STK24: variants seen among roughly 807,000 people sequenced by gnomAD.
The protein encoded by STK24 is serine/threonine kinase 24, also known as serine/threonine-protein kinase 24.
In STK24, 21 loss-of-function variants were observed where a neutral mutation model predicts 55.6. That is an observed-to-expected ratio of 0.38 (90% CI 0.27 to 0.54). The LOEUF (loss-of-function observed/expected upper bound fraction) is 0.54. STK24 is among the 20% of genes least tolerant of loss of function. The probability of loss-of-function intolerance (pLI) is 0.79; values close to 1 mark genes in which losing one functional copy is unlikely to be tolerated. For synonymous variants in STK24, 200 were observed against 215.2 expected, an observed-to-expected ratio of 0.93 and a Z score of 0.62; for missense variants, 383 against 538.4, an observed-to-expected ratio of 0.71 and a Z score of 2.86.
intron 1 of STK24, among the ~76,000 whole-genome samples, chr13:98,544,730 G>A (rs979106860): frequency 1.8e-4 from 27 of 152,312 alleles, no homozygotes; most frequent in African/African-American, 5.5e-4. Flanking sequence ...AAATATTTCC[G>A]AATTCCCAAG....
chr13:98,499,131 G>T (rs1321153333), intron 2 of STK24, among the ~76,000 whole-genome samples: 1 of 152,018 alleles, frequency 6.6e-6, no homozygotes, highest in Non-Finnish European at 1.5e-5. Context: ...CCAGCTACTC[G>T]GGAGGCTGGG....
At chr13:98,489,869 C>T (rs1257227357) in intron 2 of STK24, among the ~76,000 whole-genome samples, 1 of 152,152 alleles carries the variant, frequency 6.6e-6, no homozygotes, top group Admixed American at 6.5e-5. Context: ...AAATGACCAG[C>T]CACTGCCTAC....
At chr13:98,479,990 C>T (rs957761014) in intron 3 of STK24, among the ~76,000 whole-genome samples, 1 of 152,138 alleles carries the variant, frequency 6.6e-6, no homozygotes, top group African/African-American at 2.4e-5. Context: ...TAGCTGGGAC[C>T]CTTCAACCCT....
At chr13:98,493,480 AAGAG>A (rs1373228176) in intron 2 of STK24, among the ~76,000 whole-genome samples, 1 of 151,262 alleles carries the variant, frequency 6.6e-6, no homozygotes, top group African/African-American at 2.4e-5. Context: ...CCTGGGAGGC[AAGAG>A]AGAGATTTTT....
chr13:98,464,869 T>A (rs1893870097), intron 6 of STK24, among the ~76,000 whole-genome samples: 1 of 152,166 alleles, frequency 6.6e-6, no homozygotes, highest in Non-Finnish European at 1.5e-5. Flanking sequence ...TGGAATTATC[T>A]CAGAGAAACT....
intron 2 of STK24, among the ~76,000 whole-genome samples, chr13:98,499,214 G>A (rs547243478): frequency 1.3e-5 from 2 of 151,514 alleles, no homozygotes; most frequent in East Asian, 2.0e-4. Context: ...CTCCAACCTG[G>A]GCAACAAAGC....
At chr13:98,520,114 T>C (rs1896207406) in intron 1 of STK24, among the ~76,000 whole-genome samples, 1 of 152,182 alleles carries the variant, frequency 6.6e-6, no homozygotes, top group African/African-American at 2.4e-5. Context: ...ATATATAGTA[T>C]ACATTTCTAA....
chr13:98,529,279 C>T (rs1390805794), intron 1 of STK24, among the ~76,000 whole-genome samples: 3 of 152,140 alleles, frequency 2.0e-5, no homozygotes, highest in Admixed American at 6.6e-5. Context: ...ACATGCAAAC[C>T]GCGTCATGGT....
At chr13:98,550,205 TAG>T (rs553472003) in intron 1 of STK24, among the ~76,000 whole-genome samples, 22 of 152,258 alleles carry the variant, frequency 1.4e-4, no homozygotes, top group Non-Finnish European at 2.6e-4. Context: ...GGGAATTCTC[TAG>T]AAGCAGTAAA....
intron 5 of STK24, among the ~76,000 whole-genome samples, chr13:98,470,689 C>T (rs1566352206): frequency 6.6e-6 from 1 of 152,196 alleles, no homozygotes; most frequent in Non-Finnish European, 1.5e-5. Flanking sequence ...ACTGATGGTT[C>T]TGGACTCTCC....
chr13:98,565,910 G>T (rs559259679), intron 1 of STK24, among the ~76,000 whole-genome samples: 24 of 152,352 alleles, frequency 1.6e-4, no homozygotes, highest in South Asian at 4.2e-4. Context: ...CAAGTTTCCC[G>T]ATCAGGAGGA....
At position 98,512,411 on chromosome 13, in the gene STK24, C is replaced by G. The variant is rs1490328660; in HGVS notation, c.273+6832G>C. The stretch of plus-strand genomic sequence containing the variant: ...GAAAGAAATGCAACCAGAAAATGAG[C>G]AGCAATTGACTTAGAGCGAAACAGG... On this transcript the variant is annotated intron_variant, in intron 2 of 10. Transcript: ENST00000539966. 3.9e-5 allele frequency among the ~76,000 whole-genome samples: 6 copies of G among 152,118 alleles called. No individual in the cohort carries two copies. The East Asian group carries it at 5.8e-4, about 15-fold the overall frequency.
chr13:98,532,411 C>T (rs1268880118), intron 1 of STK24, among the ~76,000 whole-genome samples: 3 of 151,710 alleles, frequency 2.0e-5, no homozygotes, highest in African/African-American at 4.8e-5. Context: ...CCACCAAAGA[C>T]CCATCCCACA....
At chr13:98,552,883 T>A (rs1459599821) in intron 1 of STK24, among the ~76,000 whole-genome samples, 1 of 152,086 alleles carries the variant, frequency 6.6e-6, no homozygotes, top group Non-Finnish European at 1.5e-5. Context: ...GCTCCAGTGG[T>A]GGATGCATGT....
chr13:98,556,016 C>A (rs1897281170), intron 1 of STK24, among the ~76,000 whole-genome samples: 2 of 152,152 alleles, frequency 1.3e-5, no homozygotes, highest in African/African-American at 4.8e-5. Context: ...GTCTTCCTTT[C>A]TCTAGATAAG....
chr13:98,538,685 C>A (rs1896801781), intron 1 of STK24, among the ~76,000 whole-genome samples: 1 of 152,140 alleles, frequency 6.6e-6, no homozygotes, highest in Non-Finnish European at 1.5e-5. Flanking sequence ...CACATTCACA[C>A]ACATGCATGC....
intron 5 of STK24, 22 bp downstream of exon 5, chr13:98,474,799 G>A (rs1894300837): frequency 1.4e-5 from 22 of 1,595,364 alleles, no homozygotes; most frequent in Non-Finnish European, 1.8e-5. Flanking sequence ...GAGGCACGGC[G>A]CCGCCCTCAC....
intron 5 of STK24, among the ~76,000 whole-genome samples, chr13:98,471,929 C>G (rs1256064588): frequency 2.0e-5 from 3 of 152,134 alleles, no homozygotes; most frequent in Non-Finnish European, 4.4e-5. Context: ...CTGCAGTGCA[C>G]AGACTAGGAG....
intron 3 of STK24, among the ~76,000 whole-genome samples, chr13:98,475,578 C>A (rs1174623358): frequency 2.0e-5 from 3 of 152,168 alleles, no homozygotes; most frequent in Admixed American, 1.3e-4. Context: ...TGAAGCCAAG[C>A]CAGCAGAGAA....
Sources: allele counts gnomAD v4.1 joint callset (sites outside exome capture counted in the v4.1 genomes callset), GRCh38; gene constraint gnomAD v4.1.1; transcripts MANE v1.5; gene names NCBI Gene and HGNC (gene_info 2026-07-23, HGNC 2026-07-21).